The following HAUS6 variants were observed in gnomAD, a reference collection of about 807,000 sequenced individuals.
HAUS6 encodes HAUS augmin-like complex subunit 6.
In HAUS6, 80 loss-of-function variants were observed where a neutral mutation model predicts 106.8. The ratio of observed to expected loss-of-function variants is 0.75; its 90% CI spans 0.63 to 0.90. HAUS6 has a LOEUF of 0.90. Ranked by LOEUF, HAUS6 falls within the 40% of genes least tolerant of loss-of-function variation. The pLI, the probability that HAUS6 is intolerant of heterozygous loss-of-function variation, is 0.00. For missense variants in HAUS6, 1,155 were observed against 1,118.1 expected (o/e 1.03, Z -0.47); for synonymous variants, 356 against 379.1 (o/e 0.94, Z 0.71).
At chr9:19,097,921 T>A (rs1316350256) in intron 1 of HAUS6, among the ~76,000 whole-genome samples, 2 of 152,218 alleles carry the variant, frequency 1.3e-5, no homozygotes, top group African/African-American at 4.8e-5. Context: ...TTAGGATTAC[T>A]ATTCTCTTGC....
At chr9:19,087,681 C>G (rs754314412) in intron 5 of HAUS6, among the ~76,000 whole-genome samples, 1 of 151,910 alleles carries the variant, frequency 6.6e-6, no homozygotes, top group Non-Finnish European at 1.5e-5. Context: ...AAGCAAGACC[C>G]TGTCTCTACA....
chr9:19,101,435 G>C (rs897305717), intron 1 of HAUS6, among the ~76,000 whole-genome samples: 7 of 152,134 alleles, frequency 4.6e-5, no homozygotes, highest in Non-Finnish European at 8.8e-5. Context: ...AGGCTGCAGT[G>C]AGCTGTGATC....
At chr9:19,099,876 C>T (rs560354281) in intron 1 of HAUS6, among the ~76,000 whole-genome samples, 10 of 152,116 alleles carry the variant, frequency 6.6e-5, no homozygotes, top group Non-Finnish European at 1.0e-4. Context: ...ACAGTGAGAA[C>T]CCATCTCTAC....
At chr9:19,079,159 C>T (rs1360772674) in intron 9 of HAUS6, among the ~76,000 whole-genome samples, 6 of 138,326 alleles carry the variant, frequency 4.3e-5, no homozygotes, top group Non-Finnish European at 6.3e-5. Context: ...AGGGAAATGC[C>T]GTCTCAAAAA....
chr9:19,087,799 T>C (rs768419786), intron 5 of HAUS6, among the ~76,000 whole-genome samples: 1 of 134,306 alleles, frequency 7.4e-6, no homozygotes, highest in Non-Finnish European at 1.5e-5. Flanking sequence ...GTCATAATCA[T>C]GCCACTGCAC....
At chr9:19,090,710 G>A (rs1415713346) in intron 4 of HAUS6, among the ~76,000 whole-genome samples, 2 of 152,106 alleles carry the variant, frequency 1.3e-5, no homozygotes, top group Admixed American at 1.3e-4. Context: ...AAGATAAGAG[G>A]AGATCACATC....
intron 4 of HAUS6, among the ~76,000 whole-genome samples, chr9:19,092,709 A>G (rs771236159): frequency 2.0e-5 from 3 of 150,328 alleles, no homozygotes; most frequent in African/African-American, 7.3e-5. Context: ...AGATAATCTG[A>G]GGTCAGGAGT....
Position 19,053,147 on chromosome 9 carries a change from A to T in HAUS6, c.*3196T>A, listed in dbSNP as rs1284857246. On this transcript the variant is annotated 3_prime_UTR_variant, in exon 17 of 17. Transcript: ENST00000380502. ...ATAGGAAATTCCAGAGCCAGATAGTATAAAATATTTATTGAAAACAACAGT... is the reference window on the plus strand; with the variant it reads ...ATAGGAAATTCCAGAGCCAGATAGTTTAAAATATTTATTGAAAACAACAGT... 6.6e-6 allele frequency: 1 copy of T among 152,182 alleles called. No homozygotes were observed. Among genetic ancestry groups the T allele is most frequent in the Non-Finnish European group, 1.5e-5 (1 of 68,004 alleles). The allele number at this position is 152,182 out of a possible 1,614,324, so 9.4% of individuals were successfully genotyped here. A position where few individuals can be genotyped will look rare whatever the true frequency, so the allele number is the denominator to read the frequency against.
chr9:19,084,824 G>A (rs758500296), intron 7 of HAUS6, among the ~76,000 whole-genome samples: 3 of 151,694 alleles, frequency 2.0e-5, no homozygotes, highest in Non-Finnish European at 4.4e-5. Flanking sequence ...TAGAGACAGG[G>A]TTTCACCATG....
Position 19,093,307 on chromosome 9 carries a change from T to G in HAUS6, c.304-4A>C. 2 of 1,594,042 alleles carry G rather than the reference T, an allele frequency of 1.3e-6. No homozygotes were observed. The highest frequency in any genetic ancestry group is 1.7e-6 in the Non-Finnish European group (2 of 1,170,656). ...GAAAGCTACTTCCACATTCACCCTA[T>G]GAAGAAAAGAAATAAGATGATTTGA... On this transcript the variant is annotated splice_region_variant and splice_polypyrimidine_tract_variant and intron_variant, in intron 3 of 16. Coordinates refer to ENST00000380502, the MANE Select transcript of HAUS6 (RefSeq NM_017645.5).
chr9:19,080,699 T>A (rs1374908210), intron 8 of HAUS6, 27 bp from the exon 9 acceptor site: 1 of 1,366,710 alleles, frequency 7.3e-7, no homozygotes, highest in African/African-American at 1.4e-5. Context: ...AGAAAAAAAT[T>A]GGTGAACTAT....
At chr9:19,093,102 T>C in intron 4 of HAUS6, 69 bp downstream of exon 4, 12 of 1,142,138 alleles carry the variant, frequency 1.1e-5, no homozygotes, top group Non-Finnish European at 1.5e-5. Context: ...CTCTTCACGA[T>C]TTAAAAATTG....
In HAUS6 at chr9:19,096,708, C is replaced by T. The variant is rs1355234492; in HGVS notation, c.190G>A (p.Val64Ile). 1 of 1,550,224 alleles carries T rather than the reference C, an allele frequency of 6.5e-7. No homozygotes were observed. The highest frequency in any genetic ancestry group is 8.8e-7 in the Non-Finnish European group (1 of 1,140,166). ...FHIISYFLFQVLDQSLTKEVF... is the reference protein window; with the variant it reads ...FHIISYFLFQILDQSLTKEVF... ...TCTTTGGTGAGAGACTGGTCCAGAA[C>T]TTGAAACAAAAAATAAGAAATTATA... The change falls in exon 2 of 17, where the codon GTT becomes ATT. Residue 64 changes from valine to isoleucine, a missense_variant. Val to Ile is a conservative substitution (Grantham distance 29). Around this residue, in one of 3 missense-constraint regions of HAUS6, gnomAD observed 761 missense variants for 690.0 expected, o/e 1.10. Transcript: ENST00000380502.
intron 9 of HAUS6, among the ~76,000 whole-genome samples, chr9:19,079,989 A>C (rs1837103169): frequency 6.6e-6 from 1 of 151,770 alleles, no homozygotes; most frequent in Non-Finnish European, 1.5e-5. Flanking sequence ...AGCCTGACCA[A>C]CATGGAGAAA....
chr9:19,076,734 T>C (rs1242289696), intron 10 of HAUS6, 30 bp from the exon 11 acceptor site: 1 of 972,988 alleles, frequency 1.0e-6, no homozygotes, highest in Admixed American at 1.8e-5. Context: ...AATTTTGAAG[T>C]AAACATATTT....
At chr9:19,065,404 G>C (rs534569150) in intron 12 of HAUS6, among the ~76,000 whole-genome samples, 3 of 152,188 alleles carry the variant, frequency 2.0e-5, no homozygotes, top group African/African-American at 4.8e-5. Context: ...TTTTATAGTA[G>C]TAAAAAATAA....
intron 7 of HAUS6, among the ~76,000 whole-genome samples, chr9:19,086,188 G>A (rs537561745): frequency 1.3e-5 from 2 of 151,958 alleles, no homozygotes; most frequent in South Asian, 2.1e-4. Flanking sequence ...GCACACACCT[G>A]TAATCCCACC....
At chr9:19,096,157 T>C (rs921525475) in intron 2 of HAUS6, among the ~76,000 whole-genome samples, 25 of 152,312 alleles carry the variant, frequency 1.6e-4, no homozygotes, top group Admixed American at 3.3e-4. Flanking sequence ...GATTTTAAGA[T>C]ATGTACCAAA....
chr9:19,060,042 T>A, intron 15 of HAUS6, 46 bp downstream of exon 15: 1 of 1,498,724 alleles, frequency 6.7e-7, no homozygotes, highest in Non-Finnish European at 9.2e-7. Context: ...CTAACAGTGG[T>A]TATGTCGATG....
Sources: gnomAD v4.1 joint callset for allele counts (sites outside exome capture counted in the v4.1 genomes callset) on GRCh38, gnomAD v4.1.1 for gene constraint, gnomAD v4.1.1 regional missense constraint, MANE v1.5 for transcripts, NCBI Gene and HGNC (gene_info 2026-07-23, HGNC 2026-07-21) for gene names.